Variants in ACER1 observed in about 807,000 individuals in gnomAD.
The protein encoded by ACER1 is alkaline ceramidase 1.
In ACER1, 28 loss-of-function variants were observed where a neutral mutation model predicts 24.9. That is an observed-to-expected ratio of 1.13 (90% CI 0.83 to 1.54). The LOEUF is 1.54. Among genes scored for constraint, ACER1 ranks in the 40% most tolerant of loss-of-function variants. ACER1 has a pLI of 0.00. For synonymous variants in ACER1, 132 were observed against 131.4 expected (o/e 1.00, Z -0.03); for missense variants, 352 against 349.3 (o/e 1.01, Z -0.06).
At chr19:6,325,232 A>G (rs2091655256) in intron 1 of ACER1, among the ~76,000 whole-genome samples, 1 of 152,070 alleles carries the variant, frequency 6.6e-6, no homozygotes, top group Non-Finnish European at 1.5e-5. Context: ...GACATTCCCA[A>G]TTTGGCCCCT....
chr19:6,318,943 T>C (rs1372048197), intron 1 of ACER1, among the ~76,000 whole-genome samples: 1 of 151,492 alleles, frequency 6.6e-6, no homozygotes, highest in African/African-American at 2.4e-5. Flanking sequence ...CTGTGACTAA[T>C]GCCTCTTGGT....
At chr19:6,317,802 T>C (rs1217752673) in intron 1 of ACER1, among the ~76,000 whole-genome samples, 1 of 152,080 alleles carries the variant, frequency 6.6e-6, no homozygotes, top group Non-Finnish European at 1.5e-5. Context: ...TCACCCAGGC[T>C]GGAATCCAGT....
At chr19:6,351,569 A>G in the ACER1 span, among the ~76,000 whole-genome samples, 5 of 123,426 alleles carry the variant, frequency 4.1e-5, no homozygotes, top group Admixed American at 7.8e-5. Flanking sequence ...GGCCCTTACC[A>G]AAAAAAAAAA....
the ACER1 span, among the ~76,000 whole-genome samples, chr19:6,354,829 G>C: frequency 0.06 from 9,072 of 151,496 alleles, 396 homozygotes; most frequent in African/African-American, 0.12. Context: ...CTTTCCCCAC[G>C]GTCTCCCTCT....
the ACER1 span, among the ~76,000 whole-genome samples, chr19:6,359,282 C>T: frequency 2.6e-5 from 4 of 151,268 alleles, no homozygotes; most frequent in East Asian, 3.9e-4. Flanking sequence ...TCTTATACAT[C>T]AAAATCCACT....
intron 1 of ACER1, among the ~76,000 whole-genome samples, chr19:6,318,013 T>TA (rs1241700452): frequency 6.6e-6 from 1 of 151,896 alleles, no homozygotes; most frequent in African/African-American, 2.4e-5. Context: ...CCTCAGCCTC[T>TA]AAAAATCTCC....
At chr19:6,322,303 C>A (rs1483666018) in intron 1 of ACER1, among the ~76,000 whole-genome samples, 1 of 152,202 alleles carries the variant, frequency 6.6e-6, no homozygotes, top group Non-Finnish European at 1.5e-5. Flanking sequence ...GGGCTGAATA[C>A]ATTCTAGTGA....
the ACER1 span, among the ~76,000 whole-genome samples, chr19:6,340,688 T>C: frequency 6.6e-6 from 1 of 152,074 alleles, no homozygotes; most frequent in African/African-American, 2.4e-5. Flanking sequence ...AGTAAGGTAG[T>C]GACTGGCACC....
At chr19:6,316,349 A>G (rs1334403413) in intron 1 of ACER1, among the ~76,000 whole-genome samples, 1 of 152,138 alleles carries the variant, frequency 6.6e-6, no homozygotes, top group African/African-American at 2.4e-5. Context: ...TGAGGAGGAA[A>G]GATTGCTTGA....
At chr19:6,357,461 G>A in the ACER1 span, among the ~76,000 whole-genome samples, 3 of 151,784 alleles carry the variant, frequency 2.0e-5, no homozygotes, top group Non-Finnish European at 4.4e-5. Flanking sequence ...CAGGGGGGAC[G>A]GGGAACCGCA....
At chr19:6,340,921 C>G in the ACER1 span, among the ~76,000 whole-genome samples, 151 of 152,156 alleles carry the variant, frequency 9.9e-4, no homozygotes, top group Non-Finnish European at 1.2e-3. Flanking sequence ...TATCATCTTA[C>G]CTTTCTACAG....
the ACER1 span, chr19:6,344,058 AG>A: frequency 6.6e-6 from 1 of 152,110 alleles, no homozygotes; most frequent in Non-Finnish European, 1.5e-5. Context: ...TAATCCCAGG[AG>A]CTCAAGACAG....
the ACER1 span, among the ~76,000 whole-genome samples, chr19:6,349,095 A>G: frequency 6.6e-6 from 1 of 150,524 alleles, no homozygotes; most frequent in Non-Finnish European, 1.5e-5. Flanking sequence ...AGGAAGAAAG[A>G]AGAAGAGGAA....
chr19:6,331,806 CAA>C (rs1010263928), intron 1 of ACER1, among the ~76,000 whole-genome samples: 1 of 151,442 alleles, frequency 6.6e-6, no homozygotes, highest in African/African-American at 2.4e-5. Flanking sequence ...AACAAACAAA[CAA>C]ACAAACAAAA....
At chr19:6,354,112 G>A in the ACER1 span, among the ~76,000 whole-genome samples, 7 of 151,720 alleles carry the variant, frequency 4.6e-5, no homozygotes, top group African/African-American at 1.7e-4. Context: ...AACCCAGGAG[G>A]TGGAGGCTGC....
chr19:6,359,327 T>C, the ACER1 span, among the ~76,000 whole-genome samples: 1 of 151,846 alleles, frequency 6.6e-6, no homozygotes, highest in Non-Finnish European at 1.5e-5. Context: ...TGATTTTTTT[T>C]TTTTTTTTGA....
the ACER1 span, among the ~76,000 whole-genome samples, chr19:6,358,055 G>A: frequency 3.3e-5 from 5 of 152,106 alleles, no homozygotes; most frequent in Non-Finnish European, 2.9e-5. Flanking sequence ...GTGGCTGCAG[G>A]GATGGTGGCA....
At chr19:6,311,613 A>G (rs145251267) in intron 3 of ACER1, among the ~76,000 whole-genome samples, 6 of 147,746 alleles carry the variant, frequency 4.1e-5, no homozygotes, top group African/African-American at 1.3e-4. Context: ...GAAGAAGGAG[A>G]AGGAGAAGGA....
rs763396264 is a variant in ACER1 at position 6,312,518 on chromosome 19, T to C, written c.94-19A>G. ...TGGAGAACTGGAGCAGAGAGAGCCA[T>C]AGGGAGGAGCTCGTCAGATAGGGGA... On this transcript the variant is annotated intron_variant, in intron 1 of 5. Coordinates refer to ENST00000301452, the MANE Select transcript of ACER1 (RefSeq NM_133492.3). 1.0e-5 allele frequency: 16 copies of C among 1,600,602 alleles called. 1 individual carries two copies. The East Asian group carries it at 2.0e-4, about 20-fold the overall frequency.
Sources: gnomAD v4.1 joint callset for allele counts (sites outside exome capture counted in the v4.1 genomes callset) on GRCh38, gnomAD v4.1.1 for gene constraint, MANE v1.5 for transcripts, NCBI Gene and HGNC (gene_info 2026-07-23, HGNC 2026-07-21) for gene names.